The following NLGN1 variants were observed in gnomAD, a reference collection of about 807,000 sequenced individuals.
NLGN1 encodes neuroligin 1, also known as neuroligin-1.
Under a neutral mutation model 65.5 loss-of-function variants are expected in NLGN1, and 12 were observed. That is an observed-to-expected ratio of 0.18 (90% CI 0.12 to 0.30). NLGN1 has a LOEUF of 0.30. Ranked by LOEUF, NLGN1 falls within the 10% of genes least tolerant of loss-of-function variation. The pLI, the probability that NLGN1 is intolerant of heterozygous loss-of-function variation, is 1.00. For synonymous variants in NLGN1, 350 were observed against 359.5 expected (o/e 0.97, Z 0.30); for missense variants, 750 against 1,007.1 (o/e 0.74, Z 3.46).
At chr3:174,098,314 A>T (rs1711560841) in intron 4 of NLGN1, among the ~76,000 whole-genome samples, 2 of 152,144 alleles carry the variant, frequency 1.3e-5, no homozygotes, top group African/African-American at 4.8e-5. Context: ...CAAATTTGTA[A>T]AATGTGTTCT....
At position 173,496,895 on chromosome 3, in the gene NLGN1, T is replaced by C. The variant is rs907739618; in HGVS notation, c.-321+61817T>C. The stretch of plus-strand genomic sequence containing the variant: ...TTGAATCTTAGCGCTTCTTATAGTC[T>C]TCCAGAAGACTTTTTACTTTTCTCA... On this transcript the variant is annotated intron_variant, in intron 2 of 6. Transcript: ENST00000457714. Among the ~76,000 whole-genome samples the C allele has an allele frequency of 1.6e-4, 24 of 151,890 alleles. 1 individual carries two copies. Among genetic ancestry groups the C allele is most frequent in the African/African-American group, 5.8e-4 (24 of 41,176 alleles).
At chr3:173,418,360 A>C (rs1162141487) in intron 1 of NLGN1, among the ~76,000 whole-genome samples, 1 of 151,572 alleles carries the variant, frequency 6.6e-6, no homozygotes, top group Admixed American at 6.6e-5. Flanking sequence ...TTATTTTCTT[A>C]GGATAAATTA....
intron 3 of NLGN1, among the ~76,000 whole-genome samples, chr3:173,748,532 A>C (rs2150143599): frequency 6.6e-6 from 1 of 152,242 alleles, no homozygotes; most frequent in Admixed American, 6.6e-5. Flanking sequence ...GCCATTCAGT[A>C]TCTAAATAAG....
intron 3 of NLGN1, among the ~76,000 whole-genome samples, chr3:173,751,784 C>T (rs1413783796): frequency 6.6e-6 from 1 of 152,110 alleles, no homozygotes; most frequent in Non-Finnish European, 1.5e-5. Context: ...CTACTCCAGA[C>T]ACTATGCTAA....
chr3:174,154,993 T>TATATAATATA (rs1561175372), intron 4 of NLGN1, among the ~76,000 whole-genome samples: 4 of 122,456 alleles, frequency 3.3e-5, no homozygotes, highest in African/African-American at 1.0e-4. Flanking sequence ...TATTATATAT[T>TATATAATATA]ATATATATTT....
chr3:174,094,681 T>C (rs1026988583), intron 4 of NLGN1, among the ~76,000 whole-genome samples: 3 of 144,278 alleles, frequency 2.1e-5, no homozygotes, highest in Admixed American at 7.3e-5. Context: ...TAAACCTTGA[T>C]AAATATTCTT....
chr3:173,637,903 A>G (rs1344155708), intron 3 of NLGN1, among the ~76,000 whole-genome samples: 1 of 152,180 alleles, frequency 6.6e-6, no homozygotes, highest in Non-Finnish European at 1.5e-5. Flanking sequence ...CACCCACATA[A>G]AAATCACCAG....
At chr3:173,757,366 A>T (rs1248567922) in intron 3 of NLGN1, among the ~76,000 whole-genome samples, 1 of 152,068 alleles carries the variant, frequency 6.6e-6, no homozygotes, top group East Asian at 1.9e-4. Flanking sequence ...CTTGTAAAAA[A>T]AATTAAAAGT....
At chr3:173,754,455 A>AT (rs1427266578) in intron 3 of NLGN1, among the ~76,000 whole-genome samples, 1 of 151,840 alleles carries the variant, frequency 6.6e-6, no homozygotes, top group African/African-American at 2.4e-5. Context: ...TCTGTTTCAT[A>AT]TTTTTTCTGT....
intron 4 of NLGN1, among the ~76,000 whole-genome samples, chr3:173,886,562 C>T (rs1050273413): frequency 1.4e-4 from 22 of 152,008 alleles, no homozygotes; most frequent in Non-Finnish European, 2.9e-4. Context: ...AGGATTCCTA[C>T]AGCTCTTAAA....
At chr3:173,820,480 T>TGA (rs1289978151) in intron 4 of NLGN1, among the ~76,000 whole-genome samples, 1 of 152,172 alleles carries the variant, frequency 6.6e-6, no homozygotes, top group Non-Finnish European at 1.5e-5. Flanking sequence ...AATCCCCCCT[T>TGA]ATCCACAAGG....
At chr3:173,870,689 T>C (rs1323364433) in intron 4 of NLGN1, among the ~76,000 whole-genome samples, 1 of 152,182 alleles carries the variant, frequency 6.6e-6, no homozygotes, top group Non-Finnish European at 1.5e-5. Context: ...GGTGATTGAT[T>C]TCATGGTTGA....
chr3:173,567,806 T>C (rs1314730496), intron 2 of NLGN1, among the ~76,000 whole-genome samples: 1 of 152,064 alleles, frequency 6.6e-6, no homozygotes, highest in Non-Finnish European at 1.5e-5. Context: ...AATTAAAGTA[T>C]TGGACTTGAT....
intron 4 of NLGN1, among the ~76,000 whole-genome samples, chr3:173,881,257 C>G (rs1421374112): frequency 6.6e-6 from 1 of 151,332 alleles, no homozygotes; most frequent in South Asian, 2.1e-4. Flanking sequence ...CAACACCACC[C>G]CTGGCTAATT....
At chr3:173,402,784 C>T (rs1367255973) in intron 1 of NLGN1, among the ~76,000 whole-genome samples, 1 of 152,098 alleles carries the variant, frequency 6.6e-6, no homozygotes, top group Non-Finnish European at 1.5e-5. Context: ...TCCCTTTATG[C>T]CTGAATGACT....
rs575053686 is a variant in NLGN1, at chr3:173,569,150, A to G, written c.-320-35129A>G. Among the ~76,000 whole-genome samples, 22 of 152,338 alleles carry G rather than the reference A, an allele frequency of 1.4e-4. No homozygotes were observed. The East Asian group carries it at 4.2e-3, about 29-fold the overall frequency. On this transcript the variant is annotated intron_variant, in intron 2 of 6. Transcript: ENST00000457714. The stretch of plus-strand genomic sequence containing the variant: ...TTTATCCTATCAGTTCTAGGAGAAC[A>G]TTAGGCACAATTTGAAAATGTGTTT...
chr3:173,684,486 T>C (rs555326603), intron 3 of NLGN1, among the ~76,000 whole-genome samples: 2 of 152,322 alleles, frequency 1.3e-5, no homozygotes, highest in African/African-American at 4.8e-5. Context: ...AAGATGTCCA[T>C]TGCTCTAATT....
chr3:174,265,531 T>C (rs113728569), intron 4 of NLGN1, among the ~76,000 whole-genome samples: 2,870 of 151,118 alleles, frequency 0.019, 68 homozygotes, highest in African/African-American at 0.046. Context: ...CCTCGCCCTG[T>C]TTCGGCTCGC....
chr3:173,716,204 A>G (rs1283999416), intron 3 of NLGN1, among the ~76,000 whole-genome samples: 1 of 152,198 alleles, frequency 6.6e-6, no homozygotes, highest in Non-Finnish European at 1.5e-5. Context: ...TGAAGGAATT[A>G]ATCTTTACAA....
Sources: gnomAD v4.1 joint callset for allele counts (sites outside exome capture counted in the v4.1 genomes callset) on GRCh38, gnomAD v4.1.1 for gene constraint, MANE v1.5 for transcripts, NCBI Gene and HGNC (gene_info 2026-07-23, HGNC 2026-07-21) for gene names.